The following MAN1A1 variants were observed in gnomAD, a reference collection of about 807,000 sequenced individuals.
MAN1A1 encodes the protein mannosyl-oligosaccharide 1,2-alpha-mannosidase IA.
MAN1A1 carries 29 observed loss-of-function variants against 70.8 expected under a neutral mutation model. That is an observed-to-expected ratio of 0.41 (90% confidence interval 0.31 to 0.56). The LOEUF is 0.56. Among genes scored for constraint, MAN1A1 ranks in the 20% least tolerant of loss-of-function variants. The pLI is 0.29. For synonymous variants in MAN1A1, 349 were observed against 330.1 expected (o/e 1.06, Z -0.62); for missense variants, 747 against 841.3 (o/e 0.89, Z 1.39).
chr6:119,257,285 G>A (rs1422094587), intron 5 of MAN1A1, among the ~76,000 whole-genome samples: 1 of 152,140 alleles, frequency 6.6e-6, no homozygotes, highest in African/African-American at 2.4e-5. Flanking sequence ...AATAAGATAA[G>A]CTCATGGCCT....
chr6:119,326,296 C>T (rs1773144925), intron 2 of MAN1A1, among the ~76,000 whole-genome samples: 1 of 152,194 alleles, frequency 6.6e-6, no homozygotes, highest in Admixed American at 6.5e-5. Context: ...TCCTCACTGT[C>T]CGTCTGCAAA....
At chr6:119,214,790 A>T (rs189979061) in intron 6 of MAN1A1, among the ~76,000 whole-genome samples, 64 of 152,254 alleles carry the variant, frequency 4.2e-4, no homozygotes, top group Non-Finnish European at 7.6e-4. Flanking sequence ...ACAGGCATGA[A>T]CTACCACACT....
chr6:119,288,169 T>G (rs1490822900), intron 5 of MAN1A1, among the ~76,000 whole-genome samples: 1 of 151,944 alleles, frequency 6.6e-6, no homozygotes, highest in African/African-American at 2.4e-5. Context: ...GTACTTCTTC[T>G]CCTGCTTTTG....
At chr6:119,348,313 A>G in intron 2 of MAN1A1, 150 bp downstream of exon 2, 1 of 750,536 alleles carries the variant, frequency 1.3e-6, no homozygotes, top group Non-Finnish European at 2.1e-6. Context: ...ACAGGAAAAG[A>G]AAGAGCTTTT....
At chr6:119,344,375 T>G (rs1773673227) in intron 2 of MAN1A1, among the ~76,000 whole-genome samples, 1 of 152,202 alleles carries the variant, frequency 6.6e-6, no homozygotes, top group Non-Finnish European at 1.5e-5. Context: ...ATATTAACAG[T>G]CAGCACCTAC....
chr6:119,264,123 G>T (rs918723113), intron 5 of MAN1A1, among the ~76,000 whole-genome samples: 1 of 152,174 alleles, frequency 6.6e-6, no homozygotes, highest in African/African-American at 2.4e-5. Flanking sequence ...CCCAAAATGT[G>T]GTCCTCAAGA....
At chr6:119,237,565 CCTCTCT>C (rs1289437994) in intron 6 of MAN1A1, among the ~76,000 whole-genome samples, 1 of 152,018 alleles carries the variant, frequency 6.6e-6, no homozygotes, top group Non-Finnish European at 1.5e-5. Flanking sequence ...TCTCCCTCTC[CCTCTCT>C]GGCTAAGGTC....
In MAN1A1 at chr6:119,230,567, T is replaced by G. The variant is rs1774649158; in HGVS notation, c.992+17693A>C. On this transcript the variant is annotated intron_variant, in intron 6 of 12. Coordinates refer to ENST00000368468, the MANE Select transcript of MAN1A1 (RefSeq NM_005907.4). ...AGCTCTCATCTACACATCCCCTTGA[T>G]CCCAGCTCAAAAATGACTTCTTCAC... Among the ~76,000 whole-genome samples, 3 of 152,224 alleles carry G rather than the reference T, an allele frequency of 2.0e-5. No homozygotes were observed. In the South Asian group the frequency reaches 6.2e-4, roughly 32 times the overall value.
rs900288764 is a variant in MAN1A1 at position 119,349,266 on chromosome 6, G to T, written c.-201C>A. The T allele has an allele frequency of 3.3e-6, 4 of 1,213,610 alleles. No individual in the cohort carries two copies. The highest frequency in any genetic ancestry group is 3.2e-4 in the Middle Eastern group (1 of 3,144). The allele number at this position is 1,213,610 out of a possible 1,614,324, so 75.2% of individuals were successfully genotyped here. A position where few individuals can be genotyped will look rare whatever the true frequency, so the allele number is the denominator to read the frequency against. ...GCTCCTCGGGCACACAGGCACGCGC[G>T]ACAGACCGCTGGCTGCAGCCCCTGC... On this transcript the variant is annotated 5_prime_UTR_variant, in exon 2 of 13. Transcript: ENST00000368468.
chr6:119,231,282 T>C (rs950603720), intron 6 of MAN1A1, among the ~76,000 whole-genome samples: 2 of 152,082 alleles, frequency 1.3e-5, no homozygotes, highest in African/African-American at 2.4e-5. Flanking sequence ...ATGGGGCAGT[T>C]TCCCCCATGC....
At chr6:119,312,058 C>T (rs1055514792) in intron 2 of MAN1A1, among the ~76,000 whole-genome samples, 12 of 152,038 alleles carry the variant, frequency 7.9e-5, no homozygotes, top group South Asian at 2.1e-4. Context: ...TATAACAGTC[C>T]GCTGTTTGTC....
intron 6 of MAN1A1, among the ~76,000 whole-genome samples, chr6:119,231,257 G>A (rs1030136269): frequency 6.6e-6 from 1 of 152,142 alleles, no homozygotes; most frequent in Non-Finnish European, 1.5e-5. Context: ...GGGTCCAGGC[G>A]GAGGTCACTG....
intron 2 of MAN1A1, among the ~76,000 whole-genome samples, chr6:119,337,653 C>T (rs983042184): frequency 2.6e-5 from 4 of 152,218 alleles, no homozygotes; most frequent in African/African-American, 9.6e-5. Context: ...TATCTTATTA[C>T]TGATGGAATA....
intron 5 of MAN1A1, among the ~76,000 whole-genome samples, chr6:119,266,559 C>T (rs775534352): frequency 3.3e-5 from 5 of 151,952 alleles, no homozygotes; most frequent in Non-Finnish European, 7.4e-5. Context: ...TGAATGTAGA[C>T]ACAGACCTTA....
At chr6:119,183,900 CG>C (rs1773218143) in intron 11 of MAN1A1, among the ~76,000 whole-genome samples, 1 of 151,568 alleles carries the variant, frequency 6.6e-6, no homozygotes. Flanking sequence ...TGGGGTTGTA[CG>C]TGAGAATAAA....
At position 119,342,373 on chromosome 6, in the gene MAN1A1, C is replaced by A. The variant is rs144924781; in HGVS notation, c.603+6090G>T. On this transcript the variant is annotated intron_variant, in intron 2 of 12. Transcript: ENST00000368468. ...TTGGCTTGATGGCTTTAGGTGGTGACCAGTAACAGCAATAATCACAAGCAG... is the reference window on the plus strand; with the variant it reads ...TTGGCTTGATGGCTTTAGGTGGTGAACAGTAACAGCAATAATCACAAGCAG... Among the ~76,000 whole-genome samples the A allele has an allele frequency of 3.9e-3, 596 of 152,206 alleles. 1 individual carries two copies. Among genetic ancestry groups the A allele is most frequent in the Non-Finnish European group, 6.0e-3 (409 of 68,028 alleles).
chr6:119,349,291 C>A lies in MAN1A1; in HGVS notation c.-222-4G>T. 8.3e-7 allele frequency: 1 copy of A among 1,207,690 alleles called. No homozygotes were observed. Among genetic ancestry groups the A allele is most frequent in the Non-Finnish European group, 1.0e-6 (1 of 973,232 alleles). The allele number at this position is 1,207,690 out of a possible 1,614,324, so 74.8% of individuals were successfully genotyped here. ...GACAGACCGCTGGCTGCAGCCCCTG[C>A]GGGGAGAGAAACAGTAAAACGTAGT... On this transcript the variant is annotated splice_region_variant and splice_polypyrimidine_tract_variant and intron_variant, in intron 1 of 12. Transcript: ENST00000368468.
At position 119,204,739 on chromosome 6, in the gene MAN1A1, G is replaced by A; in HGVS notation, c.1116+20C>T. 1 of 1,613,588 alleles carries A rather than the reference G, an allele frequency of 6.2e-7. No individual in the cohort carries two copies. Among genetic ancestry groups the A allele is most frequent in the Non-Finnish European group, 8.5e-7 (1 of 1,179,676 alleles). ...TCATAAGTGTTGCTTTGCAGGCCAA[G>A]GCACATTGAAGAATCTCACCTTTTC... On this transcript the variant is annotated intron_variant, in intron 7 of 12. Transcript: ENST00000368468.
At chr6:119,306,795 T>C (rs1333163201) in intron 3 of MAN1A1, 101 bp downstream of exon 3, 2 of 790,018 alleles carry the variant, frequency 2.5e-6, no homozygotes, top group East Asian at 4.9e-5. Context: ...CCTAACCAAA[T>C]GGCCTGGAGG....
Sources: allele counts gnomAD v4.1 joint callset (sites outside exome capture counted in the v4.1 genomes callset), GRCh38; gene constraint gnomAD v4.1.1; transcripts MANE v1.5; gene names NCBI Gene and HGNC (gene_info 2026-07-23, HGNC 2026-07-21).